TYW1: variants seen among roughly 807,000 people sequenced by gnomAD.
TYW1 encodes S-adenosyl-L-methionine-dependent tRNA 4-demethylwyosine synthase TYW1.
In TYW1, 46 loss-of-function variants were observed where a neutral mutation model predicts 96.2. That is an observed-to-expected ratio of 0.48 (90% CI 0.38 to 0.61). The LOEUF is 0.61. TYW1 is among the 20% of genes least tolerant of loss of function. The probability of loss-of-function intolerance (pLI) is 0.00; values close to 1 mark genes in which losing one functional copy is unlikely to be tolerated. For missense variants in TYW1, 684 were observed against 909.6 expected (o/e 0.75, Z 3.19); for synonymous variants, 274 against 323.0 (o/e 0.85, Z 1.63).
At position 67,195,398 on chromosome 7, in the gene TYW1, T is replaced by G. The variant is rs560755165; in HGVS notation, c.1977+61T>G. ...CGACCCTGCTGTTCTTTCCTTCTCT[T>G]CTCTCTTTATTTTCCTCTTACATTG... is the stretch of plus-strand genomic sequence containing the variant. On this transcript the variant is annotated intron_variant, in intron 15 of 15. Transcript: ENST00000359626. 1.4e-4 allele frequency: 230 copies of G among 1,604,594 alleles called. 1 individual carries two copies. In the South Asian group the frequency reaches 2.4e-3, roughly 17 times the overall value.
chr7:67,049,829 G>A (rs1379782091), intron 7 of TYW1, 120 bp from the exon 8 acceptor site: 1 of 1,243,944 alleles, frequency 8.0e-7, no homozygotes, highest in Admixed American at 2.4e-5. Flanking sequence ...TTACAGGCGT[G>A]AGCCACCGTG....
rs2686991 is a variant in TYW1 at position 67,096,074 on chromosome 7, G to C, written c.1385-2467G>C. 1.3e-4 allele frequency among the ~76,000 whole-genome samples: 20 copies of C among 152,286 alleles called. No homozygotes were observed. In the East Asian group the frequency reaches 3.3e-3, roughly 25 times the overall value. On this transcript the variant is annotated intron_variant, in intron 11 of 15. Transcript: ENST00000359626. ...TCTTCAAGGTACTTACCATTCACAG[G>C]TAAGAAAGTTATGTTTCAAAGATGG...
chr7:67,116,302 G>C (rs34995418), intron 12 of TYW1, among the ~76,000 whole-genome samples: 1 of 149,724 alleles, frequency 6.7e-6, no homozygotes, highest in Non-Finnish European at 1.5e-5. Context: ...TCTAGCCTGG[G>C]TGGCAGAGGG....
intron 13 of TYW1, among the ~76,000 whole-genome samples, chr7:67,164,162 A>G (rs1799252414): frequency 6.6e-6 from 1 of 152,030 alleles, no homozygotes; most frequent in Non-Finnish European, 1.5e-5. Context: ...ATAGATTTAT[A>G]TTATTAATGC....
At chr7:67,221,339 A>C (rs1256365290) in intron 15 of TYW1, among the ~76,000 whole-genome samples, 1 of 152,206 alleles carries the variant, frequency 6.6e-6, no homozygotes, top group African/African-American at 2.4e-5. Context: ...TTTGCATGGA[A>C]TACCTTTTTC....
chr7:67,105,886 C>CTTTTTT (rs11330425), intron 12 of TYW1, among the ~76,000 whole-genome samples: 5 of 61,398 alleles, frequency 8.1e-5, no homozygotes, highest in Non-Finnish European at 8.7e-5. Context: ...AGAGAATATT[C>CTTTTTT]TTTTTTTTTT....
chr7:67,009,985 CTTTTTTT>C (rs1174548567), intron 4 of TYW1, among the ~76,000 whole-genome samples: 3 of 129,742 alleles, frequency 2.3e-5, no homozygotes, highest in East Asian at 2.3e-4. Flanking sequence ...TTTTTCTTTT[CTTTTTTT>C]TTTTTTTTGA....
intron 13 of TYW1, among the ~76,000 whole-genome samples, chr7:67,118,181 G>A (rs1319581313): frequency 6.6e-6 from 1 of 151,990 alleles, no homozygotes; most frequent in Non-Finnish European, 1.5e-5. Context: ...CAAAAAATTA[G>A]CCAGTTGTGA....
At chr7:67,076,262 C>T (rs549146784) in intron 10 of TYW1, among the ~76,000 whole-genome samples, 1 of 152,318 alleles carries the variant, frequency 6.6e-6, no homozygotes, top group African/African-American at 2.4e-5. Flanking sequence ...ATGTCCCTGT[C>T]TCCTTTGTTC....
chr7:67,201,944 T>G (rs1360489925), intron 15 of TYW1, among the ~76,000 whole-genome samples: 1 of 152,188 alleles, frequency 6.6e-6, no homozygotes, highest in Non-Finnish European at 1.5e-5. Flanking sequence ...AGCTAGCAGT[T>G]GTTGAAATGC....
In TYW1 at chr7:67,017,867, T is replaced by C. The variant is rs371567737; in HGVS notation, c.585T>C (p.Val195=). The part of the protein sequence containing the change: ...ASHFNKVGKN[V]DKWLWMLGAH... ...TTTCCTCACAGGTTGGCAAAAATGT[T>C]GACAAGTGGCTCTGGATGCTTGGCG... The change falls in exon 6 of 16, where the codon GTT becomes GTC. Residue 195 remains valine (V), a synonymous_variant. Transcript: ENST00000359626. 5.6e-6 allele frequency: 9 copies of C among 1,611,198 alleles called. No homozygotes were observed. The highest frequency in any genetic ancestry group is 6.8e-6 in the Non-Finnish European group (8 of 1,177,586).
At position 67,098,676 on chromosome 7, in the gene TYW1, C is replaced by A; in HGVS notation, c.1520C>A (p.Ser507Tyr). ...AAGCTACTCCACCAGTGTAAAATTT[C>A]CAGCTTCCTGGTCACAAACGCACAA... Reference protein sequence around the residue: ...FLKLLHQCKISSFLVTNAQFP... With the variant: ...FLKLLHQCKIYSFLVTNAQFP... Residue 507 changes from serine to tyrosine, a missense_variant, in exon 12 of 16, where the codon TCC (serine) becomes TAC (tyrosine). Transcript: ENST00000359626. 6.2e-7 allele frequency: 1 copy of A among 1,614,138 alleles called. No homozygotes were observed. The highest frequency in any genetic ancestry group is 8.5e-7 in the Non-Finnish European group (1 of 1,179,994).
At chr7:67,045,907 A>T (rs1795173062) in intron 7 of TYW1, among the ~76,000 whole-genome samples, 1 of 152,148 alleles carries the variant, frequency 6.6e-6, no homozygotes, top group South Asian at 2.1e-4. Flanking sequence ...GAAACCCTAG[A>T]ACTGTTTTAC....
chr7:67,147,465 T>G (rs1798645013), intron 13 of TYW1, among the ~76,000 whole-genome samples: 1 of 152,086 alleles, frequency 6.6e-6, no homozygotes. Context: ...TACGTGCACA[T>G]TGGTTACACA....
chr7:67,179,188 G>A lies in TYW1; in HGVS notation c.1699-3938G>A, dbSNP rs1799765359. Among the ~76,000 whole-genome samples the A allele has an allele frequency of 1.5e-5, 2 of 135,614 alleles. 1 individual carries two copies. The highest frequency in any genetic ancestry group is 3.2e-5 in the Non-Finnish European group (2 of 63,314). The allele number at this position is 135,614 out of a possible 152,430, so 89.0% of individuals were successfully genotyped here. A position where few individuals can be genotyped will look rare whatever the true frequency, so the allele number is the denominator to read the frequency against. On this transcript the variant is annotated intron_variant, in intron 13 of 15. Coordinates refer to ENST00000359626, the MANE Select transcript of TYW1 (RefSeq NM_018264.4). The stretch of plus-strand genomic sequence containing the variant: ...TAAGGGGCAGGCCAATGCAAATAAA[G>A]GGATGTGTTATTTAGAACTTTCTAG...
rs1021026075 is a variant in TYW1, at chr7:67,194,163, ATAACT to A, written c.1810-1000_1810-996del. 3.3e-5 allele frequency among the ~76,000 whole-genome samples: 5 copies of A among 152,340 alleles called. No homozygotes were observed. The South Asian group carries it at 8.3e-4, about 25-fold the overall frequency. On this transcript the variant is annotated intron_variant, in intron 14 of 15. Coordinates refer to ENST00000359626, the MANE Select transcript of TYW1 (RefSeq NM_018264.4). ...ATTAGGTAGAGTCCAAAAGAGTTAG[ATAACT>A]TAACTTTCTGCAGTTGTACTTAAGA... is the stretch of plus-strand genomic sequence containing the variant.
intron 10 of TYW1, among the ~76,000 whole-genome samples, chr7:67,075,241 T>C (rs905916382): frequency 6.6e-6 from 1 of 152,232 alleles, no homozygotes; most frequent in African/African-American, 2.4e-5. Context: ...GTGTCTCTTA[T>C]TCCTGTTTTT....
At chr7:67,165,638 A>G (rs773071511) in intron 13 of TYW1, among the ~76,000 whole-genome samples, 25 of 152,178 alleles carry the variant, frequency 1.6e-4, no homozygotes, top group Non-Finnish European at 1.3e-4. Flanking sequence ...CATATAAAGA[A>G]TTTTTAGGGC....
chr7:67,208,874 G>A (rs967826845), intron 15 of TYW1, among the ~76,000 whole-genome samples: 6 of 152,202 alleles, frequency 3.9e-5, no homozygotes, highest in East Asian at 1.9e-4. Context: ...CTTTGTGGTC[G>A]TTGGCAGTGC....
Sources: gnomAD v4.1 joint callset for allele counts (sites outside exome capture counted in the v4.1 genomes callset) on GRCh38, gnomAD v4.1.1 for gene constraint, MANE v1.5 for transcripts, NCBI Gene and HGNC (gene_info 2026-07-23, HGNC 2026-07-21) for gene names.